The following PTPRD variants were observed in gnomAD, a reference collection of about 807,000 sequenced individuals.
The protein encoded by PTPRD is receptor-type tyrosine-protein phosphatase delta.
PTPRD carries 34 observed loss-of-function variants against 214.5 expected under a neutral mutation model. The ratio of observed to expected loss-of-function variants is 0.16; its 90% CI spans 0.12 to 0.21. The LOEUF (loss-of-function observed/expected upper bound fraction) is 0.21. PTPRD is among the 10% of genes least tolerant of loss of function. The probability of loss-of-function intolerance (pLI) is 1.00; values close to 1 mark genes in which losing one functional copy is unlikely to be tolerated. For synonymous variants in PTPRD, 1,128 were observed against 845.7 expected, an observed-to-expected ratio of 1.33 and a Z score of -5.79; for missense variants, 2,545 against 2,398.7, an observed-to-expected ratio of 1.06 and a Z score of -1.27.
chr9:8,972,213 T>C (rs2099242859), intron 11 of PTPRD, among the ~76,000 whole-genome samples: 1 of 151,894 alleles, frequency 6.6e-6, no homozygotes, highest in Non-Finnish European at 1.5e-5. Flanking sequence ...TTCAGTAGAC[T>C]AATACGGGAC....
chr9:9,234,846 G>A (rs755010093), intron 9 of PTPRD, among the ~76,000 whole-genome samples: 4 of 152,156 alleles, frequency 2.6e-5, no homozygotes, highest in Admixed American at 6.6e-5. Context: ...TCTCTAGGAA[G>A]TTCCAGACTT....
intron 7 of PTPRD, among the ~76,000 whole-genome samples, chr9:9,656,917 T>C (rs890292638): frequency 1.3e-5 from 2 of 152,154 alleles, no homozygotes; most frequent in African/African-American, 2.4e-5. Flanking sequence ...TCTTGATTTC[T>C]CTGTGAACCT....
chr9:8,554,499 A>G (rs2083115764), intron 14 of PTPRD, among the ~76,000 whole-genome samples: 1 of 152,126 alleles, frequency 6.6e-6, no homozygotes, highest in South Asian at 2.1e-4. Context: ...TGTGCTGGGA[A>G]CACAGAGAGG....
chr9:10,466,800 A>G (rs979750343), intron 2 of PTPRD, among the ~76,000 whole-genome samples: 1 of 152,134 alleles, frequency 6.6e-6, no homozygotes, highest in African/African-American at 2.4e-5. Flanking sequence ...AATTATGACT[A>G]GATGGCTTAG....
At chr9:9,835,467 G>A (rs2056474128) in intron 5 of PTPRD, among the ~76,000 whole-genome samples, 1 of 152,100 alleles carries the variant, frequency 6.6e-6, no homozygotes, top group African/African-American at 2.4e-5. Flanking sequence ...ATACAGTGAT[G>A]TACATTGTAT....
At chr9:8,427,890 A>G (rs6477306) in intron 35 of PTPRD, among the ~76,000 whole-genome samples, 64,997 of 151,552 alleles carry the variant, frequency 0.43, 14,437 homozygotes, top group East Asian at 0.62. Context: ...GCAATGATGG[A>G]GTATCTTAAA....
rs138513921 is a variant in PTPRD, at chr9:9,179,606, T to C, written c.-143+3698A>G. ...CATCTATGGTTTCAATGTTTAGACA[T>C]TGTGGGAAATGTGAAGATGAGCAAA... On this transcript the variant is annotated intron_variant, in intron 10 of 45. Transcript: ENST00000381196. Among the ~76,000 whole-genome samples the C allele has an allele frequency of 5.1e-4, 78 of 152,220 alleles. No individual in the cohort carries two copies. In the South Asian group the frequency reaches 8.3e-3, roughly 16 times the overall value.
At chr9:10,524,998 A>G (rs1242242960) in intron 2 of PTPRD, among the ~76,000 whole-genome samples, 2 of 151,728 alleles carry the variant, frequency 1.3e-5, no homozygotes, top group Non-Finnish European at 1.5e-5. Flanking sequence ...ACTAAGACCT[A>G]TATCATATGT....
chr9:9,046,115 C>T (rs1483977716), intron 10 of PTPRD, among the ~76,000 whole-genome samples: 1 of 152,136 alleles, frequency 6.6e-6, no homozygotes, highest in Non-Finnish European at 1.5e-5. Flanking sequence ...ACTTTATTAT[C>T]TATATCTTTC....
At chr9:8,867,967 A>G (rs2098227962) in intron 11 of PTPRD, among the ~76,000 whole-genome samples, 1 of 152,140 alleles carries the variant, frequency 6.6e-6, no homozygotes, top group South Asian at 2.1e-4. Context: ...GCACAAGCAC[A>G]TCCCATTTTT....
At chr9:9,370,042 C>G (rs142629938) in intron 9 of PTPRD, among the ~76,000 whole-genome samples, 1 of 151,968 alleles carries the variant, frequency 6.6e-6, no homozygotes, top group Admixed American at 6.6e-5. Context: ...AGTCAGGTAG[C>G]GTGATGCCTC....
chr9:8,535,930 G>T (rs2076827012), intron 14 of PTPRD, among the ~76,000 whole-genome samples: 1 of 151,820 alleles, frequency 6.6e-6, no homozygotes, highest in Non-Finnish European at 1.5e-5. Context: ...ATGGAATTTA[G>T]TCAGAAGATC....
At chr9:10,038,006 T>C (rs931986708) in intron 3 of PTPRD, among the ~76,000 whole-genome samples, 2 of 152,162 alleles carry the variant, frequency 1.3e-5, no homozygotes, top group Non-Finnish European at 2.9e-5. Context: ...TCTACAGACA[T>C]TGATATGTCT....
intron 9 of PTPRD, among the ~76,000 whole-genome samples, chr9:9,213,508 T>G (rs1031290805): frequency 1.3e-4 from 19 of 141,770 alleles, no homozygotes; most frequent in African/African-American, 4.7e-4. Context: ...TGCCCTGTTT[T>G]CCTGGTTTTT....
intron 11 of PTPRD, among the ~76,000 whole-genome samples, chr9:8,758,381 G>A (rs1041177426): frequency 2.2e-4 from 33 of 152,098 alleles, no homozygotes; most frequent in Non-Finnish European, 4.1e-4. Context: ...GTGAGTTCAG[G>A]ATGGGAAAAG....
At chr9:8,848,660 G>C (rs560511937) in intron 11 of PTPRD, among the ~76,000 whole-genome samples, 3 of 151,906 alleles carry the variant, frequency 2.0e-5, no homozygotes, top group African/African-American at 7.3e-5. Context: ...GGGCGTACTT[G>C]CCTGGACGAT....
intron 3 of PTPRD, among the ~76,000 whole-genome samples, chr9:10,054,932 A>G (rs748768586): frequency 6.6e-6 from 1 of 152,068 alleles, no homozygotes; most frequent in African/African-American, 2.4e-5. Flanking sequence ...AATTAGGTTT[A>G]GACGATGTCA....
At position 9,958,145 on chromosome 9, in the gene PTPRD, T is replaced by C. The variant is rs545749365; in HGVS notation, c.-471-19535A>G. ...ATTCTAGAAGATACACAGGAGAAAA[T>C]ATAAGTGATGTTGAGTTTGGCAAGA... On this transcript the variant is annotated intron_variant, in intron 4 of 45. Transcript: ENST00000381196. Among the ~76,000 whole-genome samples the C allele has an allele frequency of 3.9e-5, 6 of 152,180 alleles. No individual in the cohort carries two copies. In the South Asian group the frequency reaches 1.0e-3, roughly 26 times the overall value.
At chr9:10,417,987 T>C (rs2098508622) in intron 2 of PTPRD, among the ~76,000 whole-genome samples, 1 of 151,662 alleles carries the variant, frequency 6.6e-6, no homozygotes, top group Non-Finnish European at 1.5e-5. Context: ...GTTTAACAGA[T>C]TAGTTAATGA....
Sources: gnomAD v4.1 joint callset for allele counts (sites outside exome capture counted in the v4.1 genomes callset) on GRCh38, gnomAD v4.1.1 for gene constraint, MANE v1.5 for transcripts, NCBI Gene and HGNC (gene_info 2026-07-23, HGNC 2026-07-21) for gene names.